The following GPC6 variants were observed in gnomAD, a reference collection of about 807,000 sequenced individuals.
GPC6 encodes glypican 6.
In GPC6, 14 loss-of-function variants were observed where a neutral mutation model predicts 55.2. That is an observed-to-expected ratio of 0.25 (90% CI 0.17 to 0.40). The LOEUF is 0.40. GPC6 is among the 10% of genes least tolerant of loss of function. GPC6 has a pLI of 1.00. For missense variants in GPC6, 641 were observed against 708.5 expected (o/e 0.90, Z 1.08); for synonymous variants, 278 against 259.6 (o/e 1.07, Z -0.68).
intron 2 of GPC6, among the ~76,000 whole-genome samples, chr13:93,698,358 C>G (rs567382521): frequency 6.6e-6 from 1 of 152,074 alleles, no homozygotes; most frequent in Non-Finnish European, 1.5e-5. Context: ...AGACTCTTGT[C>G]CCTGTGGAGA....
chr13:94,207,816 G>A lies in GPC6; in HGVS notation c.878-78533G>A, dbSNP rs1487948030. ...CCTGGGCAAACTGTTGTTCTCTTAG[G>A]GGCTTCAACTTGCTCTTCTGTAAGC... On this transcript the variant is annotated intron_variant, in intron 4 of 8. Transcript: ENST00000377047. Among the ~76,000 whole-genome samples, 4 of 152,200 alleles carry A rather than the reference G, an allele frequency of 2.6e-5. No individual in the cohort carries two copies. In the East Asian group the frequency reaches 7.7e-4, roughly 29 times the overall value.
chr13:93,234,108 C>T (rs1379034051), intron 1 of GPC6, among the ~76,000 whole-genome samples: 1 of 152,160 alleles, frequency 6.6e-6, no homozygotes, highest in Non-Finnish European at 1.5e-5. Context: ...AGACTCCTAG[C>T]TGCTGCAGCC....
At chr13:94,313,287 C>T (rs916248904) in intron 6 of GPC6, among the ~76,000 whole-genome samples, 4 of 152,126 alleles carry the variant, frequency 2.6e-5, no homozygotes, top group African/African-American at 2.4e-5. Context: ...GGATATTCTG[C>T]TTATTCCATG....
chr13:94,301,423 AG>A (rs1159023926), intron 5 of GPC6, among the ~76,000 whole-genome samples: 1 of 152,190 alleles, frequency 6.6e-6, no homozygotes, highest in Non-Finnish European at 1.5e-5. Context: ...GATTTTTAAA[AG>A]GTTAAAAAAA....
At chr13:93,569,608 A>C (rs779694607) in intron 2 of GPC6, among the ~76,000 whole-genome samples, 1 of 152,028 alleles carries the variant, frequency 6.6e-6, no homozygotes, top group African/African-American at 2.4e-5. Context: ...CTGTCCTAGG[A>C]TCTAGCAATT....
At chr13:93,366,037 A>G (rs1479598353) in intron 1 of GPC6, among the ~76,000 whole-genome samples, 1 of 152,108 alleles carries the variant, frequency 6.6e-6, no homozygotes, top group Non-Finnish European at 1.5e-5. Context: ...CAATCCAAGT[A>G]GTGGGGTGAG....
Position 93,561,333 on chromosome 13 carries a change from A to G in GPC6, c.319+15912A>G, listed in dbSNP as rs531186080. ...ACATTGGAAGTGAAGAGAAAGTTGC[A>G]TCTATGAAAAAATAATTTTTAGTAA... On this transcript the variant is annotated intron_variant, in intron 2 of 8. Transcript: ENST00000377047. Among the ~76,000 whole-genome samples the G allele has an allele frequency of 8.7e-5, 13 of 149,862 alleles. No homozygotes were observed. The South Asian group carries it at 2.5e-3, about 29-fold the overall frequency.
chr13:94,296,054 C>T (rs1318655755), intron 5 of GPC6, among the ~76,000 whole-genome samples: 1 of 151,824 alleles, frequency 6.6e-6, no homozygotes, highest in African/African-American at 2.4e-5. Flanking sequence ...TGTAATATTG[C>T]TGGATAACAG....
rs542739885 is a variant in GPC6 at position 93,242,889 on chromosome 13, G to A, written c.160+15273G>A. Among the ~76,000 whole-genome samples the A allele has an allele frequency of 3.9e-5, 6 of 152,190 alleles. No homozygotes were observed. The East Asian group carries it at 5.8e-4, about 15-fold the overall frequency. ...ATGTGGGGTTGCCACAATCCAGGTTGGTACTGAGGCATGTCTACAAGGGAT... is the reference window on the plus strand; with the variant it reads ...ATGTGGGGTTGCCACAATCCAGGTTAGTACTGAGGCATGTCTACAAGGGAT... On this transcript the variant is annotated intron_variant, in intron 1 of 8. Coordinates refer to ENST00000377047, the MANE Select transcript of GPC6 (RefSeq NM_005708.5).
intron 3 of GPC6, among the ~76,000 whole-genome samples, chr13:93,904,681 A>G (rs1427334585): frequency 6.6e-6 from 1 of 152,164 alleles, no homozygotes; most frequent in Non-Finnish European, 1.5e-5. Context: ...GGCTGCACTG[A>G]GCCATGAGCA....
In GPC6 at chr13:94,196,828, A is replaced by C. The variant is rs552940903; in HGVS notation, c.878-89521A>C. On this transcript the variant is annotated intron_variant, in intron 4 of 8. Transcript: ENST00000377047. ...AAGGAACTTCAATTTCATGTTTGGA[A>C]CTTTAACCTCAATTAAATGCAAAGT... is the stretch of plus-strand genomic sequence containing the variant. 3.3e-5 allele frequency among the ~76,000 whole-genome samples: 5 copies of C among 152,304 alleles called. No individual in the cohort carries two copies. In the South Asian group the frequency reaches 1.0e-3, roughly 32 times the overall value.
intron 2 of GPC6, among the ~76,000 whole-genome samples, chr13:93,553,972 TAAAAA>T (rs35301097): frequency 1.5e-5 from 2 of 134,138 alleles, no homozygotes; most frequent in Non-Finnish European, 1.6e-5. Context: ...CCGTCTCTAC[TAAAAA>T]AAAAAAAAAA....
chr13:93,969,288 G>C (rs1280624945), intron 3 of GPC6, among the ~76,000 whole-genome samples: 4 of 152,116 alleles, frequency 2.6e-5, no homozygotes, highest in Admixed American at 2.6e-4. Context: ...GATGTGATGG[G>C]GCTTTAGAAA....
chr13:94,193,870 C>T (rs981679091), intron 4 of GPC6, among the ~76,000 whole-genome samples: 2 of 152,088 alleles, frequency 1.3e-5, no homozygotes, highest in Admixed American at 6.5e-5. Context: ...GAGCTTTTGG[C>T]GGAATTCTAG....
At chr13:94,259,183 T>C (rs915415785) in intron 4 of GPC6, among the ~76,000 whole-genome samples, 1 of 152,094 alleles carries the variant, frequency 6.6e-6, no homozygotes, top group Non-Finnish European at 1.5e-5. Context: ...CCTGCCACAC[T>C]GGAAACCTTC....
intron 1 of GPC6, among the ~76,000 whole-genome samples, chr13:93,542,417 G>C (rs2139429061): frequency 6.6e-6 from 1 of 152,244 alleles, no homozygotes; most frequent in Non-Finnish European, 1.5e-5. Context: ...TGCTGTTTTG[G>C]TTACTGTAGC....
intron 2 of GPC6, among the ~76,000 whole-genome samples, chr13:93,671,269 C>T (rs1881345573): frequency 1.4e-5 from 2 of 144,442 alleles, no homozygotes; most frequent in African/African-American, 5.0e-5. Flanking sequence ...GGCACTGAAA[C>T]TTTTTTTTTT....
At chr13:94,235,091 T>C (rs1252912166) in intron 4 of GPC6, among the ~76,000 whole-genome samples, 1 of 152,060 alleles carries the variant, frequency 6.6e-6, no homozygotes, top group Non-Finnish European at 1.5e-5. Context: ...GGAGTAAATT[T>C]ACGTTGGATA....
chr13:94,174,413 C>T (rs1428823131), intron 4 of GPC6, among the ~76,000 whole-genome samples: 2 of 151,944 alleles, frequency 1.3e-5, no homozygotes, highest in African/African-American at 4.8e-5. Flanking sequence ...GAAAAACATT[C>T]AAAGATAAAT....
Sources: allele counts gnomAD v4.1 joint callset (sites outside exome capture counted in the v4.1 genomes callset), GRCh38; gene constraint gnomAD v4.1.1; transcripts MANE v1.5; gene names NCBI Gene and HGNC (gene_info 2026-07-23, HGNC 2026-07-21).